The following SAMMSON variants were observed in gnomAD, a reference collection of about 807,000 sequenced individuals.
The protein encoded by SAMMSON is survival associated mitochondrial melanoma specific oncogenic non-coding RNA.
At chr3:70,284,503 C>A (rs570521047) in intron 6 of SAMMSON, among the ~76,000 whole-genome samples, 1 of 152,168 alleles carries the variant, frequency 6.6e-6, no homozygotes, top group African/African-American at 2.4e-5. Context: ...AACCTAAATG[C>A]CCATCAATGA....
At chr3:70,375,150 T>G (rs1361574548) in intron 9 of SAMMSON, among the ~76,000 whole-genome samples, 1 of 152,162 alleles carries the variant, frequency 6.6e-6, no homozygotes, top group Admixed American at 6.5e-5. Context: ...CTCAATTTTT[T>G]GTTTTTATAT....
At chr3:70,422,047 T>C (rs549573586) in intron 2 of SAMMSON, among the ~76,000 whole-genome samples, 2 of 152,204 alleles carry the variant, frequency 1.3e-5, no homozygotes, top group African/African-American at 2.4e-5. Flanking sequence ...TTGTATTTAC[T>C]GTGCTAAAAA....
chr3:70,173,135 T>C (rs1385371743), intron 4 of SAMMSON, among the ~76,000 whole-genome samples: 1 of 151,984 alleles, frequency 6.6e-6, no homozygotes, highest in Non-Finnish European at 1.5e-5. Context: ...CTTGGATAAA[T>C]ATAAGCAGTT....
At chr3:70,423,717 T>C (rs1251319926) in intron 2 of SAMMSON, among the ~76,000 whole-genome samples, 1 of 152,212 alleles carries the variant, frequency 6.6e-6, no homozygotes. Flanking sequence ...TAGGACTTCT[T>C]GGAACTCTGT....
At chr3:70,065,002 T>C (rs1206095452) in intron 3 of SAMMSON, among the ~76,000 whole-genome samples, 1 of 152,064 alleles carries the variant, frequency 6.6e-6, no homozygotes, top group African/African-American at 2.4e-5. Flanking sequence ...GCCAGAAAAA[T>C]AATACTGCAG....
intron 4 of SAMMSON, among the ~76,000 whole-genome samples, chr3:70,192,493 A>G (rs1245628942): frequency 1.3e-5 from 2 of 152,198 alleles, no homozygotes; most frequent in South Asian, 4.1e-4. Flanking sequence ...AGACTCCCCA[A>G]ACCTGTCTTA....
In SAMMSON at chr3:70,331,596, C is replaced by T. The variant is rs564743648; in HGVS notation, n.740-22579C>T. On this transcript the variant is annotated intron_variant and non_coding_transcript_variant, in intron 7 of 9. Transcript: ENST00000642114. ...AATAAAACAACAAAGTCTGCACACA[C>T]AAATCTTGTCAGAGATGTGCACTTT... Among the ~76,000 whole-genome samples, 3 of 152,312 alleles carry T rather than the reference C, an allele frequency of 2.0e-5. No individual in the cohort carries two copies. In the South Asian group the frequency reaches 6.2e-4, roughly 32 times the overall value.
intron 3 of SAMMSON, among the ~76,000 whole-genome samples, chr3:70,036,174 G>T (rs573877414): frequency 6.6e-6 from 1 of 152,088 alleles, no homozygotes; most frequent in Non-Finnish European, 1.5e-5. Flanking sequence ...AAGGGAGAGA[G>T]GCCAATAGTC....
exon 10 of SAMMSON, chr3:70,389,701 T>A (rs1200442526): frequency 6.6e-6 from 1 of 152,106 alleles, no homozygotes. Flanking sequence ...TTCTGGATGC[T>A]AAGAGAAGAA....
intron 6 of SAMMSON, among the ~76,000 whole-genome samples, chr3:70,268,474 CAAAA>C (rs66482424): frequency 1.0e-5 from 1 of 96,586 alleles, no homozygotes. Flanking sequence ...GACTCCGTCT[CAAAA>C]AAAAAAAAAA....
chr3:70,152,210 C>T (rs367750148), intron 4 of SAMMSON, among the ~76,000 whole-genome samples: 11 of 151,870 alleles, frequency 7.2e-5, no homozygotes, highest in East Asian at 5.8e-4. Flanking sequence ...ACTTGATTTG[C>T]GATACCATGA....
At chr3:70,085,408 G>A (rs1051947795) in intron 4 of SAMMSON, among the ~76,000 whole-genome samples, 3 of 152,164 alleles carry the variant, frequency 2.0e-5, no homozygotes, top group East Asian at 1.9e-4. Flanking sequence ...TGAGACAAAT[G>A]TAGGGAAGCC....
chr3:70,254,869 G>C (rs574228086), intron 6 of SAMMSON, among the ~76,000 whole-genome samples: 2 of 152,108 alleles, frequency 1.3e-5, no homozygotes, highest in African/African-American at 4.8e-5. Flanking sequence ...AAAAAACTGA[G>C]AGCATATTAT....
intron 7 of SAMMSON, among the ~76,000 whole-genome samples, chr3:70,307,319 C>T (rs1187681674): frequency 6.6e-6 from 1 of 152,108 alleles, no homozygotes; most frequent in Non-Finnish European, 1.5e-5. Flanking sequence ...AAATCGTGTG[C>T]ACTTCAAACG....
At chr3:70,287,969 C>T (rs1702185688) in intron 6 of SAMMSON, among the ~76,000 whole-genome samples, 1 of 152,076 alleles carries the variant, frequency 6.6e-6, no homozygotes, top group South Asian at 2.1e-4. Context: ...ATTAGTCTTG[C>T]TAGCAGTCTA....
chr3:70,039,068 A>G (rs1227789129), intron 3 of SAMMSON, among the ~76,000 whole-genome samples: 2 of 152,120 alleles, frequency 1.3e-5, no homozygotes, highest in African/African-American at 4.8e-5. Context: ...ACAGAGAGAG[A>G]AAGAAACAGA....
intron 4 of SAMMSON, among the ~76,000 whole-genome samples, chr3:70,121,316 C>T (rs1262500993): frequency 6.6e-6 from 1 of 152,090 alleles, no homozygotes; most frequent in African/African-American, 2.4e-5. Context: ...GTTGGGGACC[C>T]CTGCTGTAGA....
chr3:70,133,817 T>G (rs888870857), intron 4 of SAMMSON, among the ~76,000 whole-genome samples: 5 of 152,134 alleles, frequency 3.3e-5, no homozygotes, highest in African/African-American at 1.2e-4. Flanking sequence ...CAGTCATAAA[T>G]ATATGATCCA....
intron 4 of SAMMSON, among the ~76,000 whole-genome samples, chr3:70,142,870 C>T (rs974075529): frequency 6.6e-6 from 1 of 152,102 alleles, no homozygotes; most frequent in African/African-American, 2.4e-5. Context: ...ATCAGTGAAG[C>T]ACCTGTACAA....
Sources: allele counts gnomAD v4.1 joint callset (sites outside exome capture counted in the v4.1 genomes callset), GRCh38; gene constraint gnomAD v4.1.1; transcripts MANE v1.5; gene names NCBI Gene and HGNC (gene_info 2026-07-23, HGNC 2026-07-21).